PICALM: variants seen among roughly 807,000 people sequenced by gnomAD.
PICALM encodes the protein phosphatidylinositol binding clathrin assembly protein, also known as phosphatidylinositol-binding clathrin assembly protein.
In PICALM, 40 loss-of-function variants were observed where a neutral mutation model predicts 80.5. The observed-to-expected ratio is 0.50, with a 90% CI of 0.39 to 0.65. PICALM has a LOEUF of 0.65. Among genes scored for constraint, PICALM ranks in the 30% least tolerant of loss-of-function variants. The pLI, the probability that PICALM is intolerant of heterozygous loss-of-function variation, is 0.00. For missense variants in PICALM, 676 were observed against 778.9 expected (o/e 0.87, Z 1.57); for synonymous variants, 288 against 260.3 (o/e 1.11, Z -1.02).
intron 19 of PICALM, among the ~76,000 whole-genome samples, chr11:85,966,296 T>C (rs904472834): frequency 6.6e-6 from 1 of 152,136 alleles, no homozygotes; most frequent in Admixed American, 6.6e-5. Context: ...AGCCTCCAAT[T>C]CCTGGGCTCA....
At chr11:86,008,852 AG>A (rs1414936296) in intron 7 of PICALM, among the ~76,000 whole-genome samples, 1 of 145,760 alleles carries the variant, frequency 6.9e-6, no homozygotes, top group African/African-American at 2.5e-5. Context: ...GCTCTCAGGG[AG>A]GCTAAGAGGC....
intron 1 of PICALM, among the ~76,000 whole-genome samples, chr11:86,062,184 C>T (rs1457395107): frequency 6.6e-6 from 1 of 152,110 alleles, no homozygotes; most frequent in Admixed American, 6.5e-5. Context: ...TGGATATGTG[C>T]CATACAATTG....
At chr11:85,965,815 G>GTTTTTTTTTTTT (rs914561533) in intron 19 of PICALM, among the ~76,000 whole-genome samples, 4 of 108,154 alleles carry the variant, frequency 3.7e-5, no homozygotes, top group Admixed American at 1.1e-4. Context: ...TTGTTTTTTT[G>GTTTTTTTTTTTT]TTTTTTTTTT....
chr11:86,024,096 C>G (rs2095609905), intron 3 of PICALM, among the ~76,000 whole-genome samples: 1 of 152,014 alleles, frequency 6.6e-6, no homozygotes, highest in Admixed American at 6.6e-5. Flanking sequence ...ACCACTGCAC[C>G]CAGCCTAGGT....
chr11:86,005,533 G>C (rs945903558), intron 8 of PICALM, among the ~76,000 whole-genome samples: 8 of 151,926 alleles, frequency 5.3e-5, no homozygotes, highest in Admixed American at 3.9e-4. Flanking sequence ...GGGAGACCCT[G>C]TCTCCACAAA....
intron 19 of PICALM, among the ~76,000 whole-genome samples, chr11:85,970,219 G>GT (rs1218450254): frequency 6.6e-6 from 1 of 152,148 alleles, no homozygotes; most frequent in Non-Finnish European, 1.5e-5. Context: ...CACAAGGTCT[G>GT]TAAGAAAAAA....
In PICALM at chr11:85,959,051, T is replaced by A. The variant is rs778080551; in HGVS notation, c.1954A>T (p.Met652Leu). The A allele has an allele frequency of 1.0e-5, 16 of 1,590,838 alleles. No homozygotes were observed. Among genetic ancestry groups the A allele is most frequent in the Middle Eastern group, 1.7e-4 (1 of 6,000 alleles). ...TTCCATTTTCTTCCATCAAGTTACA[T>A]AAACTGTATCTGGAAAAAAAAAGTG... The part of the protein sequence containing the change: ...GPVSGAQIQF[M>L] The change falls in exon 20 of 20, where the codon ATG (methionine) becomes TTG (leucine). Residue 652 changes from methionine to leucine, a missense_variant. Physicochemically the swap from Met to Leu is conservative, Grantham distance 15. Around this residue, in one of 2 missense-constraint regions of PICALM, gnomAD observed 391 missense variants for 383.6 expected, o/e 1.02. Transcript: ENST00000393346.
chr11:86,013,880 T>C (rs1162689286), intron 5 of PICALM, among the ~76,000 whole-genome samples: 1 of 152,220 alleles, frequency 6.6e-6, no homozygotes, highest in Non-Finnish European at 1.5e-5. Flanking sequence ...AAAACAGCCA[T>C]AGATAATATG....
At chr11:86,069,831 T>C (rs2096490226), upstream of PICALM, 1 of 152,252 alleles carries the variant, frequency 6.6e-6, no homozygotes, top group Non-Finnish European at 1.5e-5. Flanking sequence ...ATTTAGATAC[T>C]AGCTGGCCGG....
chr11:85,974,870 GTAAA>G, intron 18 of PICALM, 58 bp from the exon 19 acceptor site: 1 of 1,168,816 alleles, frequency 8.6e-7, no homozygotes, highest in Non-Finnish European at 1.3e-6. Flanking sequence ...TTGTGACTAA[GTAAA>G]TAACAATGAC....
intron 8 of PICALM, among the ~76,000 whole-genome samples, chr11:86,006,106 A>C (rs2095270761): frequency 6.6e-6 from 1 of 152,228 alleles, no homozygotes; most frequent in South Asian, 2.1e-4. Flanking sequence ...TAACAGGTGA[A>C]TCTAAAGTTG....
chr11:85,996,743 T>C (rs2094975560), intron 12 of PICALM, 83 bp downstream of exon 12: 4 of 843,132 alleles, frequency 4.7e-6, no homozygotes, highest in Non-Finnish European at 7.9e-6. Context: ...TCAAGTGTAA[T>C]AAAAAACTAC....
chr11:86,014,787 C>A, intron 5 of PICALM, 83 bp downstream of exon 5: 1 of 681,618 alleles, frequency 1.5e-6, no homozygotes, highest in Non-Finnish European at 2.4e-6. Flanking sequence ...AAACTAGAGT[C>A]TGTGAAAACT....
intron 1 of PICALM, among the ~76,000 whole-genome samples, chr11:86,038,453 A>G (rs1399351576): frequency 6.6e-6 from 1 of 152,182 alleles, no homozygotes; most frequent in Non-Finnish European, 1.5e-5. Flanking sequence ...ATGGTAAATG[A>G]GCCTTAAGGA....
intron 2 of PICALM, among the ~76,000 whole-genome samples, chr11:86,029,035 C>A (rs1447843892): frequency 1.3e-5 from 2 of 152,018 alleles, no homozygotes; most frequent in Non-Finnish European, 2.9e-5. Flanking sequence ...GACGGGGTTT[C>A]ACCATGTTGG....
At chr11:86,025,549 T>C (rs888086012) in intron 3 of PICALM, among the ~76,000 whole-genome samples, 10 of 150,980 alleles carry the variant, frequency 6.6e-5, no homozygotes, top group African/African-American at 2.4e-4. Context: ...AAATATTACA[T>C]AGCATTTCTT....
intron 5 of PICALM, among the ~76,000 whole-genome samples, chr11:86,014,008 T>C (rs1357429376): frequency 6.6e-6 from 1 of 152,200 alleles, no homozygotes; most frequent in Admixed American, 6.5e-5. Flanking sequence ...TTAAAAAACA[T>C]ACAAAAACAG....
intron 13 of PICALM, among the ~76,000 whole-genome samples, chr11:85,988,474 A>G (rs2094648584): frequency 6.6e-6 from 1 of 152,212 alleles, no homozygotes; most frequent in Admixed American, 6.5e-5. Context: ...ACTGTTATCT[A>G]GCTCCAAATG....
intron 19 of PICALM, among the ~76,000 whole-genome samples, chr11:85,972,852 G>C (rs932003258): frequency 4.6e-5 from 7 of 152,078 alleles, no homozygotes; most frequent in African/African-American, 1.7e-4. Flanking sequence ...CATTAACTGT[G>C]TATCAAGAAA....
Sources: allele counts gnomAD v4.1 joint callset (sites outside exome capture counted in the v4.1 genomes callset), GRCh38; gene constraint gnomAD v4.1.1; regional missense constraint gnomAD v4.1.1; transcripts MANE v1.5; gene names NCBI Gene and HGNC (gene_info 2026-07-23, HGNC 2026-07-21).